The following RNF213 variants were observed in gnomAD, a reference collection of about 807,000 sequenced individuals.
RNF213 encodes ring finger protein 213.
RNF213 carries 341 observed loss-of-function variants against 514.4 expected under a neutral mutation model. That is an observed-to-expected ratio of 0.66 (90% confidence interval 0.61 to 0.73). The LOEUF (loss-of-function observed/expected upper bound fraction) is 0.73, where lower values mean the gene tolerates loss of function less well. Among genes scored for constraint, RNF213 ranks in the 30% least tolerant of loss-of-function variants. The pLI is 0.00. For synonymous variants in RNF213, 2,655 were observed against 2,658.2 expected (o/e 1.00, Z 0.04); for missense variants, 5,767 against 6,615.6 (o/e 0.87, Z 4.45).
chr17:80,266,984 AG>A (rs1459156118), intron 2 of RNF213, among the ~76,000 whole-genome samples: 1 of 152,018 alleles, frequency 6.6e-6, no homozygotes, highest in African/African-American at 2.4e-5. Flanking sequence ...TGGGAGGCTG[AG>A]GTAGGTGGAT....
Position 80,325,188 on chromosome 17 carries a change from C to G in RNF213, c.3183C>G (p.Phe1061Leu). The G allele has an allele frequency of 6.5e-7, 1 of 1,533,950 alleles. No homozygotes were observed. The highest frequency in any genetic ancestry group is 8.7e-7 in the Non-Finnish European group (1 of 1,144,272). The change falls in exon 18 of 68, where the codon TTC becomes TTG. Residue 1061 changes from phenylalanine (F) to leucine (L), a missense_variant. This residue lies in a region of RNF213 where 516 missense variants were observed against 566.5 expected (regional missense o/e 0.91). Coordinates refer to ENST00000582970, the MANE Select transcript of RNF213 (RefSeq NM_001256071.3). The stretch of plus-strand genomic sequence containing the variant: ...CGTTGGCAGATGTCAAGCACGTCTT[C>G]AGATTGTGTGGTATGTTTGCGGGAG... ...LLTLADVKHVFRLCGTDEKIL... is the reference protein window; with the variant it reads ...LLTLADVKHVLRLCGTDEKIL...
In RNF213 at chr17:80,299,681, A is replaced by G. The variant is rs142287488; in HGVS notation, c.2210+1163A>G. 2.8e-3 allele frequency among the ~76,000 whole-genome samples: 427 copies of G among 152,104 alleles called. 1 individual carries two copies. Among genetic ancestry groups the G allele is most frequent in the African/African-American group, 9.6e-3 (400 of 41,508 alleles). On this transcript the variant is annotated intron_variant, in intron 11 of 67. Coordinates refer to ENST00000582970, the MANE Select transcript of RNF213 (RefSeq NM_001256071.3). ...CATCCAAATATTAAGCCTAGTACCC[A>G]TTAGCTATTTTTCCTGATCCTCTCC...
intron 14 of RNF213, among the ~76,000 whole-genome samples, chr17:80,311,497 C>T (rs186644794): frequency 2.9e-4 from 44 of 152,360 alleles, no homozygotes; most frequent in African/African-American, 1.0e-3. Context: ...CCGCCCCCTG[C>T]GTGCTGTGCT....
chr17:80,313,271 C>T, intron 15 of RNF213, 104 bp downstream of exon 15: 1 of 1,426,762 alleles, frequency 7.0e-7, no homozygotes, highest in Non-Finnish European at 9.9e-7. Flanking sequence ...CAGTTGTTGG[C>T]CTTCACCTGA....
Position 80,339,386 on chromosome 17 carries a change from G to A in RNF213, c.5019G>A (p.Leu1673=). 2.6e-6 allele frequency: 4 copies of A among 1,537,262 alleles called. No individual in the cohort carries two copies. Among genetic ancestry groups the A allele is most frequent in the Non-Finnish European group, 3.5e-6 (4 of 1,146,918 alleles). The change falls in exon 26 of 68, where the codon CTG becomes CTA. Residue 1673 remains leucine (L), a synonymous_variant. Transcript: ENST00000582970. The stretch of plus-strand genomic sequence containing the variant: ...AAGGTGGAGATGTCACTGAGCTGCT[G>A]GCAGCCCTCTGCAGGCAGATGGAGC... The part of the protein sequence containing the change: ...LKEGGDVTEL[L]AALCRQMEHF...
At chr17:80,290,203 TG>T (rs955481846) in intron 6 of RNF213, among the ~76,000 whole-genome samples, 17 of 152,046 alleles carry the variant, frequency 1.1e-4, no homozygotes, top group Non-Finnish European at 2.2e-4. Flanking sequence ...GAGACCTCCA[TG>T]GGGGGTGGTG....
chr17:80,325,253 A>G, intron 18 of RNF213, 55 bp downstream of exon 18: 1 of 1,469,852 alleles, frequency 6.8e-7, no homozygotes, highest in Non-Finnish European at 9.1e-7. Flanking sequence ...TGTCTTCCTG[A>G]TTGGGAAAGG....
At position 80,326,607 on chromosome 17, in the gene RNF213, C is replaced by CA. The variant is rs1228997380; in HGVS notation, c.3194-1208dup. Among the ~76,000 whole-genome samples, 3 of 152,306 alleles carry CA rather than the reference C, an allele frequency of 2.0e-5. No homozygotes were observed. The East Asian group carries it at 5.8e-4, about 29-fold the overall frequency. ...ACAAAATCCCATGCTCCACCCCTCCCATTTCCTTTAGTCTTTTCCAGAATG... is the reference window on the plus strand; with the variant it reads ...ACAAAATCCCATGCTCCACCCCTCCCAATTTCCTTTAGTCTTTTCCAGAATG... On this transcript the variant is annotated intron_variant, in intron 18 of 67. Coordinates refer to ENST00000582970, the MANE Select transcript of RNF213 (RefSeq NM_001256071.3).
Position 80,377,056 on chromosome 17 carries a change from T to A in RNF213, c.13510+93T>A. On this transcript the variant is annotated intron_variant, in intron 53 of 67. Transcript: ENST00000582970. The surrounding 1 kb of genome is among the most constrained non-coding windows in gnomAD (Gnocchi z 4.1). ...CATTGGGTTCGACTTGGGGTCCACG[T>A]GGTTTGTGCCTCAGGGTCCAAAACC... 9.8e-7 allele frequency: 1 copy of A among 1,020,402 alleles called. No individual in the cohort carries two copies. Among genetic ancestry groups the A allele is most frequent in the Non-Finnish European group, 1.5e-6 (1 of 664,154 alleles). 63.2% of individuals were successfully genotyped at this position (1,020,402 alleles called of 1,614,324 possible).
chr17:80,388,836 C>A, intron 64 of RNF213, 147 bp downstream of exon 64: 1 of 722,020 alleles, frequency 1.4e-6, no homozygotes. Flanking sequence ...GCAAGCAAGA[C>A]AGCAAATCAG....
chr17:80,377,675 CAG>C lies in RNF213; in HGVS notation c.13511-82_13511-81del. 6.8e-6 allele frequency: 10 copies of C among 1,464,178 alleles called. No homozygotes were observed. In the South Asian group the frequency reaches 1.0e-4, roughly 15 times the overall value. The allele number at this position is 1,464,178 out of a possible 1,614,324, so 90.7% of individuals were successfully genotyped here. A position where few individuals can be genotyped will look rare whatever the true frequency, so the allele number is the denominator to read the frequency against. On this transcript the variant is annotated intron_variant, in intron 53 of 67. Coordinates refer to ENST00000582970, the MANE Select transcript of RNF213 (RefSeq NM_001256071.3). This position sits in a 1 kb window ranked among gnomAD's most constrained non-coding sequence, Gnocchi z 4.1. ...GTCATTCTCATATTGTGGTCAGGGC[CAG>C]AGAGTAGAGAGTTAGCTTTCCCTTT... is the stretch of plus-strand genomic sequence containing the variant.
chr17:80,370,303 CA>C lies in RNF213; in HGVS notation c.12425+437del, dbSNP rs758008785. On this transcript the variant is annotated intron_variant, in intron 46 of 67. Transcript: ENST00000582970. ...TCTATTTCCTTGGAAAGGATGTTGACATCCAAGAATAGTATCACCTGTGGTA... is the reference window on the plus strand; with the variant it reads ...TCTATTTCCTTGGAAAGGATGTTGACTCCAAGAATAGTATCACCTGTGGTA... Among the ~76,000 whole-genome samples, 59 of 152,320 alleles carry C rather than the reference CA, an allele frequency of 3.9e-4. No individual in the cohort carries two copies. In the East Asian group the frequency reaches 4.6e-3, roughly 12 times the overall value.
rs1243670864 is a variant in RNF213, at chr17:80,288,390, G to A, written c.810+27G>A. 2 of 1,610,260 alleles carry A rather than the reference G, an allele frequency of 1.2e-6. No homozygotes were observed. The highest frequency in any genetic ancestry group is 1.7e-6 in the Non-Finnish European group (2 of 1,179,770). On this transcript the variant is annotated intron_variant, in intron 4 of 67. Coordinates refer to ENST00000582970, the MANE Select transcript of RNF213 (RefSeq NM_001256071.3). The surrounding 1 kb of genome is among the most constrained non-coding windows in gnomAD (Gnocchi z 4.9). ...TGAGTCATCCGGGAGAGATGGCCTG[G>A]GAGTGGCACTGAGCCCTCGGCACCT...
In RNF213 at chr17:80,363,119, G is replaced by A; in HGVS notation, c.11373G>A (p.Leu3791=). 1.2e-6 allele frequency: 2 copies of A among 1,614,162 alleles called. No homozygotes were observed. Among genetic ancestry groups the A allele is most frequent in the South Asian group, 1.1e-5 (1 of 91,080 alleles). The change falls in exon 40 of 68, where the codon CTG becomes CTA. Residue 3791 remains leucine (L), a synonymous_variant. Transcript: ENST00000582970. ...AATCCCAGTTTCTGCAGATGGCTCT[G>A]TGGTCCTGCACTAGGAAACTGAAAG... is the stretch of plus-strand genomic sequence containing the variant. ...EEELKFLQMA[L]WSCTRKLKAA...
rs749025839 is a variant in RNF213 at position 80,343,824 on chromosome 17, G to T, written c.6184-33G>T. The stretch of plus-strand genomic sequence containing the variant: ...AGTTGGGAGAACTCGCCATCGTGTC[G>T]TGTGTTTACACCTCGTGCGATTCTG... On this transcript the variant is annotated intron_variant, in intron 27 of 67. Coordinates refer to ENST00000582970, the MANE Select transcript of RNF213 (RefSeq NM_001256071.3). This position sits in a 1 kb window ranked among gnomAD's most constrained non-coding sequence, Gnocchi z 4.3. 1.2e-6 allele frequency: 2 copies of T among 1,613,030 alleles called. No individual in the cohort carries two copies. The highest frequency in any genetic ancestry group is 1.7e-6 in the Non-Finnish European group (2 of 1,179,124).
Position 80,288,054 on chromosome 17 carries a change from C to T in RNF213, c.501C>T (p.Thr167=), listed in dbSNP as rs374178105. The part of the protein sequence containing the change: ...PLEGDGLSAP[T]EVGDSPLQAQ... ...AGGGTGACGGCCTCTCCGCGCCCAC[C>T]GAGGTTGGCGACAGCCCCCTGCAGG... The change falls in exon 4 of 68, where the codon ACC becomes ACT. Residue 167 remains threonine (T), a synonymous_variant. Coordinates refer to ENST00000582970, the MANE Select transcript of RNF213 (RefSeq NM_001256071.3). The surrounding 1 kb of genome is among the most constrained non-coding windows in gnomAD (Gnocchi z 4.9). The T allele has an allele frequency of 2.7e-5, 44 of 1,606,788 alleles. No homozygotes were observed. The highest frequency in any genetic ancestry group is 1.7e-4 in the Middle Eastern group (1 of 6,046).
In RNF213 at chr17:80,334,250, G is replaced by A; in HGVS notation, c.4289G>A (p.Trp1430Ter). Residue 1430 changes from tryptophan to a stop codon, truncating the protein, a stop_gained, in exon 22 of 68, where the codon TGG becomes TAG. Transcript: ENST00000582970. LOFTEE classifies it high-confidence loss of function. ...TCCCTGAGAAAGGAGTTCATCTGCT[G>A]GGTCCGGGAGGCTCTTGGAGGTAAA... ...ALSLRKEFIC[W>*]VREALGGINE... is the part of the protein sequence containing the mutation. 6.5e-7 allele frequency: 1 copy of A among 1,535,016 alleles called. No homozygotes were observed.
At position 80,386,564 on chromosome 17, in the gene RNF213, G is replaced by A. The variant is rs1044781979; in HGVS notation, c.14721-126G>A. On this transcript the variant is annotated intron_variant, in intron 62 of 67. Coordinates refer to ENST00000582970, the MANE Select transcript of RNF213 (RefSeq NM_001256071.3). ...CTTCAGCCGCCCCCACCAGTGACCC[G>A]CCCCATACTTGGGTAGGGTTTTCCA... is the stretch of plus-strand genomic sequence containing the variant. The A allele has an allele frequency of 1.2e-5, 17 of 1,386,022 alleles. No individual in the cohort carries two copies. The East Asian group carries it at 1.4e-4, about 11-fold the overall frequency. The allele number at this position is 1,386,022 out of a possible 1,614,324, so 85.9% of individuals were successfully genotyped here.
At chr17:80,332,916 G>C (rs2046455368) in intron 21 of RNF213, among the ~76,000 whole-genome samples, 1 of 152,158 alleles carries the variant, frequency 6.6e-6, no homozygotes, top group South Asian at 2.1e-4. Flanking sequence ...ACGGGCATTT[G>C]TAAAGGGTCA....
Sources: allele counts gnomAD v4.1 joint callset (sites outside exome capture counted in the v4.1 genomes callset), GRCh38; gene constraint gnomAD v4.1.1; regional missense constraint gnomAD v4.1.1; non-coding constraint Gnocchi (gnomAD v3.1); transcripts MANE v1.5; gene names NCBI Gene and HGNC (gene_info 2026-07-23, HGNC 2026-07-21).